MACROD2: variants seen among roughly 807,000 people sequenced by gnomAD.
MACROD2 encodes ADP-ribose glycohydrolase MACROD2.
MACROD2 carries 36 observed loss-of-function variants against 70.4 expected under a neutral mutation model. The ratio of observed to expected loss-of-function variants is 0.51; its 90% CI spans 0.39 to 0.68. The LOEUF (loss-of-function observed/expected upper bound fraction) is 0.68, where lower values mean the gene tolerates loss of function less well. Among genes scored for constraint, MACROD2 ranks in the 30% least tolerant of loss-of-function variants. The probability of loss-of-function intolerance (pLI) is 0.00; values close to 1 mark genes in which losing one functional copy is unlikely to be tolerated. For synonymous variants in MACROD2, 172 were observed against 178.8 expected (o/e 0.96, Z 0.30); for missense variants, 496 against 538.4 (o/e 0.92, Z 0.78).
At chr20:15,628,171 G>A (rs1333379609) in intron 8 of MACROD2, among the ~76,000 whole-genome samples, 1 of 152,178 alleles carries the variant, frequency 6.6e-6, no homozygotes, top group Non-Finnish European at 1.5e-5. Flanking sequence ...TATGTATTGT[G>A]TACTTTCAAA....
At chr20:14,560,352 T>A (rs1979349921) in intron 4 of MACROD2, among the ~76,000 whole-genome samples, 1 of 137,356 alleles carries the variant, frequency 7.3e-6, no homozygotes, top group Non-Finnish European at 1.6e-5. Flanking sequence ...TGCACGCATG[T>A]GTGTATACAT....
At chr20:15,217,909 G>T (rs1037377897) in intron 5 of MACROD2, among the ~76,000 whole-genome samples, 3 of 151,926 alleles carry the variant, frequency 2.0e-5, no homozygotes, top group Non-Finnish European at 4.4e-5. Context: ...AAATAATCTC[G>T]CAGAGGCACA....
At chr20:15,892,328 G>A (rs988292418) in intron 10 of MACROD2, among the ~76,000 whole-genome samples, 2 of 152,190 alleles carry the variant, frequency 1.3e-5, no homozygotes, top group Admixed American at 6.6e-5. Context: ...TAAACTCGGA[G>A]ATGCTTTCCT....
intron 8 of MACROD2, among the ~76,000 whole-genome samples, chr20:15,775,382 A>C (rs970888362): frequency 4.6e-5 from 7 of 152,092 alleles, no homozygotes; most frequent in African/African-American, 1.4e-4. Flanking sequence ...TTATCAGCCA[A>C]AAAAGGAAGG....
intron 8 of MACROD2, among the ~76,000 whole-genome samples, chr20:15,651,156 A>G (rs2049637398): frequency 6.6e-6 from 1 of 152,218 alleles, no homozygotes; most frequent in Non-Finnish European, 1.5e-5. Context: ...ACATTTCTGC[A>G]CAGCTGGCCC....
chr20:14,042,326 AGATT>A (rs1270164490), intron 2 of MACROD2, among the ~76,000 whole-genome samples: 1 of 152,112 alleles, frequency 6.6e-6, no homozygotes, highest in Non-Finnish European at 1.5e-5. Flanking sequence ...TTCAATCATT[AGATT>A]GAAGAGTTAG....
chr20:15,893,093 C>T (rs2064914167), intron 10 of MACROD2: 1 of 399,852 alleles, frequency 2.5e-6, no homozygotes, highest in Non-Finnish European at 4.4e-6. Context: ...TACAAACACA[C>T]TCATGTTCAG....
chr20:14,926,063 T>C (rs1477149833), intron 5 of MACROD2, among the ~76,000 whole-genome samples: 2 of 152,198 alleles, frequency 1.3e-5, no homozygotes, highest in Non-Finnish European at 2.9e-5. Flanking sequence ...AACAAATCTG[T>C]ATCAGTAAGG....
intron 15 of MACROD2, among the ~76,000 whole-genome samples, chr20:16,039,482 C>T (rs1217552772): frequency 6.6e-6 from 1 of 151,818 alleles, no homozygotes; most frequent in African/African-American, 2.4e-5. Context: ...ATAAAAGGTG[C>T]AAATATTTTC....
chr20:15,987,967 G>A (rs1029599642), intron 15 of MACROD2, among the ~76,000 whole-genome samples: 1 of 152,018 alleles, frequency 6.6e-6, no homozygotes, highest in Non-Finnish European at 1.5e-5. Flanking sequence ...AACTTGACAG[G>A]CCTTGTTTAT....
At chr20:15,667,495 C>G (rs1036940325) in intron 8 of MACROD2, among the ~76,000 whole-genome samples, 4 of 127,336 alleles carry the variant, frequency 3.1e-5, no homozygotes, top group Admixed American at 8.1e-5. Context: ...ATGTATCTAT[C>G]TATGTATCTA....
At chr20:14,411,138 CTTAT>C (rs1005074462) in intron 3 of MACROD2, among the ~76,000 whole-genome samples, 102 of 152,214 alleles carry the variant, frequency 6.7e-4, no homozygotes, top group African/African-American at 2.2e-3. Flanking sequence ...TGCCAGGACC[CTTAT>C]TTGAGAAAAA....
At chr20:14,020,713 C>T (rs967971234) in intron 2 of MACROD2, among the ~76,000 whole-genome samples, 2 of 152,116 alleles carry the variant, frequency 1.3e-5, no homozygotes, top group East Asian at 1.9e-4. Flanking sequence ...TGTCCTGAGA[C>T]TTTCCAAACA....
chr20:14,662,389 A>G (rs1986269377), intron 4 of MACROD2, among the ~76,000 whole-genome samples: 4 of 152,108 alleles, frequency 2.6e-5, no homozygotes, highest in Admixed American at 2.6e-4. Flanking sequence ...AAAACCCTGG[A>G]GGAAAACCTA....
intron 3 of MACROD2, among the ~76,000 whole-genome samples, chr20:14,121,065 G>T (rs903739073): frequency 2.0e-5 from 3 of 152,068 alleles, no homozygotes; most frequent in Non-Finnish European, 2.9e-5. Context: ...TAATGTAAGT[G>T]TGTGATAATT....
chr20:14,572,471 C>T (rs1291522349), intron 4 of MACROD2, among the ~76,000 whole-genome samples: 1 of 152,044 alleles, frequency 6.6e-6, no homozygotes, highest in East Asian at 1.9e-4. Context: ...CAGCAGAAGA[C>T]TGCATAAGAA....
rs2067474961 is a variant in MACROD2, at chr20:16,052,763, A to G, written c.*2887A>G. The G allele has an allele frequency of 6.6e-6, 1 of 152,560 alleles. No individual in the cohort carries two copies. The highest frequency in any genetic ancestry group is 1.5e-5 in the Non-Finnish European group (1 of 68,030). The allele number at this position is 152,560 out of a possible 1,614,324, so 9.5% of individuals were successfully genotyped here. On this transcript the variant is annotated 3_prime_UTR_variant, in exon 18 of 18. Coordinates refer to ENST00000684519, the MANE Select transcript of MACROD2 (RefSeq NM_001351661.2). ...CTTGATGCACTTGATTTGAAAAGAC[A>G]TTTCTCTGTATGTGGCGCATGTCGG...
At chr20:15,394,958 A>G (rs2045841636) in intron 6 of MACROD2, among the ~76,000 whole-genome samples, 2 of 152,310 alleles carry the variant, frequency 1.3e-5, no homozygotes, top group South Asian at 4.1e-4. Context: ...AGACTTTATT[A>G]ATGTCCATCA....
intron 5 of MACROD2, among the ~76,000 whole-genome samples, chr20:14,792,750 T>G (rs1328415320): frequency 1.3e-5 from 2 of 152,070 alleles, no homozygotes; most frequent in Non-Finnish European, 2.9e-5. Context: ...TATTGGAAAT[T>G]CATTTACCAA....
Sources: gnomAD v4.1 joint callset for allele counts (sites outside exome capture counted in the v4.1 genomes callset) on GRCh38, gnomAD v4.1.1 for gene constraint, MANE v1.5 for transcripts, NCBI Gene and HGNC (gene_info 2026-07-23, HGNC 2026-07-21) for gene names.